CRIM1: variants seen among roughly 807,000 people sequenced by gnomAD.
CRIM1 encodes cysteine rich transmembrane BMP regulator 1, also known as cysteine-rich motor neuron 1 protein.
Under a neutral mutation model 116.4 loss-of-function variants are expected in CRIM1, and 32 were observed. That is an observed-to-expected ratio of 0.27 (90% CI 0.21 to 0.37). CRIM1 has a LOEUF of 0.37. CRIM1 is among the 10% of genes least tolerant of loss of function. CRIM1 has a pLI of 1.00. For missense variants in CRIM1, 1,331 were observed against 1,354.8 expected, an observed-to-expected ratio of 0.98 and a Z score of 0.28; for synonymous variants, 590 against 509.2, an observed-to-expected ratio of 1.16 and a Z score of -2.13.
chr2:36,365,990 T>G (rs1379157817), intron 1 of CRIM1, among the ~76,000 whole-genome samples: 1 of 152,206 alleles, frequency 6.6e-6, no homozygotes. Context: ...CCTCCCAAAG[T>G]GCTGGGATTA....
chr2:36,485,585 A>G (rs1212786588), intron 7 of CRIM1, among the ~76,000 whole-genome samples: 1 of 152,224 alleles, frequency 6.6e-6, no homozygotes, highest in Non-Finnish European at 1.5e-5. Context: ...CTTTGAAACA[A>G]GAAAAAATGT....
At chr2:36,506,157 A>ACACTCT (rs1397944202) in intron 8 of CRIM1, among the ~76,000 whole-genome samples, 13 of 125,274 alleles carry the variant, frequency 1.0e-4, no homozygotes, top group African/African-American at 3.9e-4. Flanking sequence ...ACACACACAC[A>ACACTCT]CTCTCTCTCT....
chr2:36,415,157 G>C (rs1347912180), intron 2 of CRIM1, among the ~76,000 whole-genome samples: 1 of 152,016 alleles, frequency 6.6e-6, no homozygotes, highest in Non-Finnish European at 1.5e-5. Flanking sequence ...TGAGGTTGGG[G>C]GTAGACTTCA....
chr2:36,540,820 G>C lies in CRIM1; in HGVS notation c.2623+3274G>C, dbSNP rs547017658. On this transcript the variant is annotated intron_variant, in intron 14 of 16. Coordinates refer to ENST00000280527, the MANE Select transcript of CRIM1 (RefSeq NM_016441.3). ...GCAAATGTCCTCGGTGTGATAACAA[G>C]GACCCAAATTCAGGTAGTGGTGGTA... is the stretch of plus-strand genomic sequence containing the variant. Among the ~76,000 whole-genome samples, 3 of 152,268 alleles carry C rather than the reference G, an allele frequency of 2.0e-5. No individual in the cohort carries two copies. In the East Asian group the frequency reaches 5.8e-4, roughly 29 times the overall value.
chr2:36,510,866 T>C (rs1000536966), intron 9 of CRIM1, among the ~76,000 whole-genome samples: 6 of 152,122 alleles, frequency 3.9e-5, no homozygotes, highest in African/African-American at 1.4e-4. Context: ...GCTGTCTTTC[T>C]TTCATTTCAA....
chr2:36,388,091 A>G (rs1249575998), intron 1 of CRIM1, among the ~76,000 whole-genome samples: 1 of 151,940 alleles, frequency 6.6e-6, no homozygotes, highest in Non-Finnish European at 1.5e-5. Flanking sequence ...TTCCCTATAA[A>G]CCCCTCACAT....
intron 2 of CRIM1, among the ~76,000 whole-genome samples, chr2:36,440,549 C>T (rs965511197): frequency 6.6e-6 from 1 of 152,232 alleles, no homozygotes; most frequent in East Asian, 1.9e-4. Flanking sequence ...TGAGTAAACC[C>T]ACATTGTTTT....
intron 13 of CRIM1, among the ~76,000 whole-genome samples, chr2:36,528,772 A>G (rs1182540078): frequency 6.6e-6 from 1 of 152,264 alleles, no homozygotes; most frequent in Non-Finnish European, 1.5e-5. Context: ...TAGAGAGTAT[A>G]AAAATGAAAA....
chr2:36,411,813 A>T (rs943890387), intron 2 of CRIM1, among the ~76,000 whole-genome samples: 3 of 152,254 alleles, frequency 2.0e-5, no homozygotes, highest in African/African-American at 7.2e-5. Flanking sequence ...AACCCGTGAG[A>T]TACATTCCAG....
intron 1 of CRIM1, among the ~76,000 whole-genome samples, chr2:36,363,455 T>C (rs989464725): frequency 4.6e-5 from 7 of 151,250 alleles, no homozygotes; most frequent in African/African-American, 1.7e-4. Flanking sequence ...ACCTCAGTCA[T>C]TGATGGTAAG....
At chr2:36,485,002 G>A (rs1679710142) in intron 7 of CRIM1, among the ~76,000 whole-genome samples, 1 of 152,174 alleles carries the variant, frequency 6.6e-6, no homozygotes, top group Non-Finnish European at 1.5e-5. Context: ...AGGTATATCA[G>A]AGTCCATAGT....
chr2:36,476,295 T>G (rs777140406), intron 5 of CRIM1, among the ~76,000 whole-genome samples: 1 of 152,174 alleles, frequency 6.6e-6, no homozygotes, highest in Non-Finnish European at 1.5e-5. Flanking sequence ...TTCCTCACTT[T>G]TAAACTCAGG....
chr2:36,374,511 G>A (rs557452850), intron 1 of CRIM1, among the ~76,000 whole-genome samples: 2 of 152,150 alleles, frequency 1.3e-5, no homozygotes, highest in South Asian at 2.1e-4. Flanking sequence ...CACACCCATC[G>A]TGTATGTTTT....
intron 7 of CRIM1, among the ~76,000 whole-genome samples, chr2:36,498,821 T>C (rs1572873803): frequency 6.6e-6 from 1 of 152,316 alleles, no homozygotes; most frequent in African/African-American, 2.4e-5. Context: ...ACTGAGATAA[T>C]TGATAGTTGA....
At chr2:36,420,897 AT>A (rs1049069594) in intron 2 of CRIM1, among the ~76,000 whole-genome samples, 2 of 152,148 alleles carry the variant, frequency 1.3e-5, no homozygotes, top group African/African-American at 4.8e-5. Flanking sequence ...TTTTTCAGCC[AT>A]TTAGGAAGCT....
intron 1 of CRIM1, among the ~76,000 whole-genome samples, chr2:36,392,832 C>CA (rs200052091): frequency 0.018 from 2,689 of 151,660 alleles, 43 homozygotes; most frequent in Middle Eastern, 0.045. Context: ...AGTTTACTCT[C>CA]AAAAAAAAGA....
chr2:36,499,478 A>T, intron 8 of CRIM1, 131 bp downstream of exon 8: 1 of 922,538 alleles, frequency 1.1e-6, no homozygotes, highest in Non-Finnish European at 1.6e-6. Flanking sequence ...AGGGGAAAAA[A>T]GTTATTTTTA....
At chr2:36,372,076 A>G (rs564247351) in intron 1 of CRIM1, among the ~76,000 whole-genome samples, 4 of 152,214 alleles carry the variant, frequency 2.6e-5, no homozygotes, top group Non-Finnish European at 5.9e-5. Flanking sequence ...GTGTGGTGCA[A>G]CCTGTTTACT....
intron 2 of CRIM1, among the ~76,000 whole-genome samples, chr2:36,398,488 CAT>C (rs1274900854): frequency 2.0e-5 from 3 of 152,170 alleles, no homozygotes; most frequent in Non-Finnish European, 2.9e-5. Flanking sequence ...TGGAGATTGA[CAT>C]GTGGAGATTA....
Sources: allele counts gnomAD v4.1 joint callset (sites outside exome capture counted in the v4.1 genomes callset), GRCh38; gene constraint gnomAD v4.1.1; transcripts MANE v1.5; gene names NCBI Gene and HGNC (gene_info 2026-07-23, HGNC 2026-07-21).